The following RP1L1 variants were observed in gnomAD, a reference collection of about 807,000 sequenced individuals.
The protein encoded by RP1L1 is retinitis pigmentosa 1-like 1 protein.
Under a neutral mutation model 15.7 loss-of-function variants are expected in RP1L1, and 27 were observed. The observed-to-expected ratio is 1.72, with a 90% CI of 1.27 to 2.38. The LOEUF is 2.38. Ranked by LOEUF, RP1L1 falls within the 30% of genes most tolerant of loss-of-function variation. The probability of loss-of-function intolerance (pLI) is 0.00; values close to 1 mark genes in which losing one functional copy is unlikely to be tolerated. For missense variants in RP1L1, 4,798 were observed against 3,075.9 expected (o/e 1.56, Z -13.24); for synonymous variants, 1,813 against 1,276.7 (o/e 1.42, Z -8.96).
Position 10,613,334 on chromosome 8 carries a change from G to A in RP1L1, c.764C>T (p.Pro255Leu). The change falls in exon 4 of 4, where the codon CCA becomes CTA. Residue 255 changes from proline to leucine, a missense_variant. Transcript: ENST00000382483. The stretch of plus-strand genomic sequence containing the variant: ...ATGGATCACACTCGGCTTGGTCTTT[G>A]GCCCCCAGCTCCCTGGCACGCAGTG... ...TSRNKNGSWG[P>L]KTKPSVIHSR... 1 of 1,600,128 alleles carries A rather than the reference G, an allele frequency of 6.2e-7. No individual in the cohort carries two copies. Among genetic ancestry groups the A allele is most frequent in the South Asian group, 1.1e-5 (1 of 91,080 alleles).
chr8:10,648,333 A>G (rs964523247), intron 1 of RP1L1, among the ~76,000 whole-genome samples: 2 of 151,664 alleles, frequency 1.3e-5, no homozygotes, highest in African/African-American at 4.8e-5. Context: ...CACCTGGCCA[A>G]TTTTCTGGGT....
At chr8:10,642,138 G>T (rs554004844) in intron 1 of RP1L1, among the ~76,000 whole-genome samples, 3 of 152,098 alleles carry the variant, frequency 2.0e-5, no homozygotes, top group African/African-American at 7.2e-5. Context: ...CTACACCTGC[G>T]TATAAATCTA....
rs1298303138 is a variant in RP1L1 at position 10,611,148 on chromosome 8, C to T, written c.2950G>A (p.Gly984Arg). 3 of 1,612,844 alleles carry T rather than the reference C, an allele frequency of 1.9e-6. No homozygotes were observed. Among genetic ancestry groups the T allele is most frequent in the Non-Finnish European group, 2.5e-6 (3 of 1,180,030 alleles). Residue 984 changes from glycine (G) to arginine (R), a missense_variant, in exon 4 of 4, where the codon GGG becomes AGG. Physicochemically the swap from Gly to Arg is moderately radical, Grantham distance 125. Transcript: ENST00000382483. ...ELADETTGAA[G>R]GGLRGPEVDP... is the part of the protein sequence containing the mutation. Reference sequence around the variant, plus strand: ...ACCTCGGGGCCTCTCAGGCCACCCCCAGCTGCACCTGTGGTCTCGTCCGCC... The same window carrying T: ...ACCTCGGGGCCTCTCAGGCCACCCCTAGCTGCACCTGTGGTCTCGTCCGCC...
Position 10,608,170 on chromosome 8 carries a change from ATCT to A in RP1L1, c.5925_5927del (p.Glu1975del). The A allele has an allele frequency of 6.3e-7, 1 of 1,598,098 alleles. No homozygotes were observed. The highest frequency in any genetic ancestry group is 8.5e-7 in the Non-Finnish European group (1 of 1,176,734). ...CCACTTCAACCTCCAGGGCCTCTACATCTTCTGACTCTGGCTGGGCTTCCTCTT... is the reference window on the plus strand; with the variant it reads ...CCACTTCAACCTCCAGGGCCTCTACATCTGACTCTGGCTGGGCTTCCTCTT... On this transcript the variant is annotated inframe_deletion, in exon 4 of 4. Transcript: ENST00000382483.
intron 1 of RP1L1, among the ~76,000 whole-genome samples, chr8:10,623,549 ACCATGTCCCCAGCACCT>A (rs1471494662): frequency 1.1e-4 from 17 of 151,184 alleles, no homozygotes; most frequent in African/African-American, 9.7e-5. Flanking sequence ...CCCCAGCACA[ACCATGTCCCCAGCACCT>A]CCATGTCCCC....
intron 1 of RP1L1, among the ~76,000 whole-genome samples, chr8:10,648,134 C>A (rs949703204): frequency 1.3e-5 from 2 of 151,912 alleles, no homozygotes; most frequent in African/African-American, 4.8e-5. Flanking sequence ...TGGGTTCAAG[C>A]GATTCTCCTG....
At chr8:10,632,118 C>T (rs1041689795) in intron 1 of RP1L1, among the ~76,000 whole-genome samples, 8 of 152,280 alleles carry the variant, frequency 5.3e-5, no homozygotes, top group African/African-American at 7.2e-5. Flanking sequence ...AACCCTGGCC[C>T]GGAAGAGGCT....
rs1166785134 is a variant in RP1L1, at chr8:10,610,772, C to T, written c.3326G>A (p.Arg1109Lys). Residue 1109 changes from arginine to lysine, a missense_variant, in exon 4 of 4, where the codon AGG becomes AAG. Coordinates refer to ENST00000382483, the MANE Select transcript of RP1L1 (RefSeq NM_178857.6). ...GGCCCCGGCTGAGCAGCTGAGCCTC[C>T]TGGCCATGGGCCTAGACACTTCGGG... ...SVPEVSRPMA[R>K]RLSCSAGALI... The T allele has an allele frequency of 3.7e-6, 6 of 1,613,310 alleles. No homozygotes were observed. Among genetic ancestry groups the T allele is most frequent in the Non-Finnish European group, 5.1e-6 (6 of 1,179,998 alleles).
At chr8:10,646,546 G>C (rs181863814) in intron 1 of RP1L1, among the ~76,000 whole-genome samples, 2 of 152,160 alleles carry the variant, frequency 1.3e-5, no homozygotes, top group African/African-American at 4.8e-5. Context: ...CAGGTCCCCA[G>C]TGTGGGCTCC....
chr8:10,625,382 G>A lies in RP1L1; in HGVS notation c.-19-2162C>T, dbSNP rs553998633. ...CGTGAGTCCAGGAACCTGGGCCTTC[G>A]GGATGCGAGGAAATGCTGGGAGGAA... is the stretch of plus-strand genomic sequence containing the variant. On this transcript the variant is annotated intron_variant, in intron 1 of 3. Coordinates refer to ENST00000382483, the MANE Select transcript of RP1L1 (RefSeq NM_178857.6). Among the ~76,000 whole-genome samples the A allele has an allele frequency of 1.7e-3, 261 of 152,224 alleles. 1 individual carries two copies. The highest frequency in any genetic ancestry group is 3.3e-3 in the Admixed American group (50 of 15,306).
Position 10,608,696 on chromosome 8 carries a change from C to G in RP1L1, c.5402G>C (p.Gly1801Ala). 1 of 1,614,228 alleles carries G rather than the reference C, an allele frequency of 6.2e-7. No homozygotes were observed. Reference sequence around the variant, plus strand: ...CCCAGAGCCTTGACCCCCAGTTTCTCCCCTTTCACTTATGCCCTCTCCCTC... The same window carrying G: ...CCCAGAGCCTTGACCCCCAGTTTCTGCCCTTTCACTTATGCCCTCTCCCTC... ...EQEGEGISERGETGGQGSGHE... is the reference protein window; with the variant it reads ...EQEGEGISERAETGGQGSGHE... Residue 1801 changes from glycine (G) to alanine (A), a missense_variant, in exon 4 of 4, where the codon GGA becomes GCA. Physicochemically the swap from Gly to Ala is moderately conservative, Grantham distance 60. Coordinates refer to ENST00000382483, the MANE Select transcript of RP1L1 (RefSeq NM_178857.6).
rs762009842 is a variant in RP1L1, at chr8:10,613,312, G to C, written c.786C>G (p.Ile262Met). Residue 262 changes from isoleucine (I) to methionine (M), a missense_variant, in exon 4 of 4, where the codon ATC (isoleucine) becomes ATG (methionine). By Grantham distance (10) the Ile-to-Met change is conservative. Coordinates refer to ENST00000382483, the MANE Select transcript of RP1L1 (RefSeq NM_178857.6). ...SWGPKTKPSV[I>M]HSRSPPGSTP... is the part of the protein sequence containing the mutation. ...TGCTGCCTGGCGGAGACCGCGAATG[G>C]ATCACACTCGGCTTGGTCTTTGGCC... 4 of 1,601,568 alleles carry C rather than the reference G, an allele frequency of 2.5e-6. No homozygotes were observed. The Admixed American group carries it at 6.7e-5, about 27-fold the overall frequency.
intron 1 of RP1L1, among the ~76,000 whole-genome samples, chr8:10,637,106 G>C (rs1197677414): frequency 1.3e-5 from 2 of 152,200 alleles, no homozygotes; most frequent in African/African-American, 4.8e-5. Flanking sequence ...AGAATGCAAG[G>C]TTCGCTCAGG....
Position 10,610,058 on chromosome 8 carries a change from T to G in RP1L1, c.4040A>C (p.Glu1347Ala). 3 of 1,051,464 alleles carry G rather than the reference T, an allele frequency of 2.9e-6. No individual in the cohort carries two copies. Among genetic ancestry groups the G allele is most frequent in the Admixed American group, 3.1e-5 (1 of 32,710 alleles). The allele number at this position is 1,051,464 out of a possible 1,614,324, so 65.1% of individuals were successfully genotyped here. The change falls in exon 4 of 4, where the codon GAA becomes GCA. Residue 1347 changes from glutamate to alanine, a missense_variant. By Grantham distance (107) the Glu-to-Ala change is moderately radical. Transcript: ENST00000382483. Reference protein sequence around the residue: ...QLEETKETEGEGQQEEEAQLE... With the variant: ...QLEETKETEGAGQQEEEAQLE... ...CTGCGCCTCTTCTTCTTGCTGTCCT[T>G]CTCCTTCTGTTTCTTTAGTTTCCTC...
In RP1L1 at chr8:10,607,734, C is replaced by T. The variant is rs1797734242; in HGVS notation, c.6364G>A (p.Glu2122Lys). The change falls in exon 4 of 4, where the codon GAA becomes AAA. Residue 2122 changes from glutamate to lysine, a missense_variant. Physicochemically the swap from Glu to Lys is moderately conservative, Grantham distance 56 (BLOSUM62 1). Coordinates refer to ENST00000382483, the MANE Select transcript of RP1L1 (RefSeq NM_178857.6). Reference sequence around the variant, plus strand: ...TCTGACTCTGGCTGGGCCTCCCCTTCAGTCTCTGGGGCCTCTATACCTTCT... The same window carrying T: ...TCTGACTCTGGCTGGGCCTCCCCTTTAGTCTCTGGGGCCTCTATACCTTCT... ...KAEGIEAPET[E>K]GEAQPESEGI... The T allele has an allele frequency of 6.2e-7, 1 of 1,612,156 alleles. No individual in the cohort carries two copies. The highest frequency in any genetic ancestry group is 8.5e-7 in the Non-Finnish European group (1 of 1,179,090).
rs1022334144 is a variant in RP1L1 at position 10,644,190 on chromosome 8, TACTC to T, written c.-20+10704_-20+10707del. ...GACAGGGCAACTGATATCACAGGGT[TACTC>T]ACTCAGTACTGGGGCCGAGTGACCA... On this transcript the variant is annotated intron_variant, in intron 1 of 3. Transcript: ENST00000382483. 1.2e-3 allele frequency among the ~76,000 whole-genome samples: 180 copies of T among 151,904 alleles called. 1 individual carries two copies. Among genetic ancestry groups the T allele is most frequent in the African/African-American group, 4.2e-3 (174 of 41,420 alleles).
At position 10,609,116 on chromosome 8, in the gene RP1L1, G is replaced by T. The variant is rs746619103; in HGVS notation, c.4982C>A (p.Ala1661Asp). Residue 1661 changes from alanine to aspartate, a missense_variant, in exon 4 of 4, where the codon GCC becomes GAC. Coordinates refer to ENST00000382483, the MANE Select transcript of RP1L1 (RefSeq NM_178857.6). Reference sequence around the variant, plus strand: ...AGGGCTCACTTTCTTCCTCACGCAGGCCTCGCAGGGACAGAACTCCTCCCC... The same window carrying T: ...AGGGCTCACTTTCTTCCTCACGCAGTCCTCGCAGGGACAGAACTCCTCCCC... ...AEGEEFCPCE[A>D]CVRKKVSPMS... 3.7e-6 allele frequency: 6 copies of T among 1,613,492 alleles called. No homozygotes were observed. The African/African-American group carries it at 5.3e-5, about 14-fold the overall frequency.
At chr8:10,622,328 A>T (rs1798072840) in intron 2 of RP1L1, among the ~76,000 whole-genome samples, 1 of 148,776 alleles carries the variant, frequency 6.7e-6, no homozygotes, top group Non-Finnish European at 1.5e-5. Context: ...CTCGAAAAAA[A>T]CAAAGCCAAA....
intron 1 of RP1L1, among the ~76,000 whole-genome samples, chr8:10,634,140 A>T (rs185201971): frequency 5.9e-5 from 9 of 152,272 alleles, no homozygotes; most frequent in Admixed American, 4.6e-4. Context: ...GGAGCATAAC[A>T]TGGTACAGTT....
Sources: gnomAD v4.1 joint callset for allele counts (sites outside exome capture counted in the v4.1 genomes callset) on GRCh38, gnomAD v4.1.1 for gene constraint, MANE v1.5 for transcripts, NCBI Gene and HGNC (gene_info 2026-07-23, HGNC 2026-07-21) for gene names.